LRMDA: variants seen among roughly 807,000 people sequenced by gnomAD.
LRMDA encodes leucine-rich melanocyte differentiation-associated protein.
Under a neutral mutation model 29.8 loss-of-function variants are expected in LRMDA, and 18 were observed. That is an observed-to-expected ratio of 0.60 (90% confidence interval 0.42 to 0.90). The LOEUF (loss-of-function observed/expected upper bound fraction) is 0.90. LRMDA is among the 40% of genes least tolerant of loss of function. LRMDA has a pLI of 0.00. For synonymous variants in LRMDA, 125 were observed against 109.4 expected (o/e 1.14, Z -0.89); for missense variants, 273 against 273.9 (o/e 1.00, Z 0.02).
chr10:75,984,417 C>T (rs184336740), intron 2 of LRMDA, among the ~76,000 whole-genome samples: 13 of 152,332 alleles, frequency 8.5e-5, no homozygotes, highest in African/African-American at 3.1e-4. Flanking sequence ...CTTCTCTGCC[C>T]TGTGTCCTCC....
chr10:76,086,468 A>T (rs1355376890), intron 5 of LRMDA, among the ~76,000 whole-genome samples: 1 of 152,226 alleles, frequency 6.6e-6, no homozygotes, highest in Non-Finnish European at 1.5e-5. Flanking sequence ...CATCAAACTC[A>T]TCATTCAGGT....
chr10:76,538,102 A>G (rs770344958), intron 6 of LRMDA, among the ~76,000 whole-genome samples: 6 of 152,198 alleles, frequency 3.9e-5, no homozygotes, highest in Non-Finnish European at 7.3e-5. Context: ...GATTTAATAT[A>G]CAATTAGGTT....
intron 2 of LRMDA, chr10:75,450,565 G>A (rs1433477536): frequency 1.3e-5 from 2 of 152,184 alleles, no homozygotes; most frequent in South Asian, 2.1e-4. Flanking sequence ...ACCCCCACAC[G>A]GCCCGTTTCC....
intron 5 of LRMDA, among the ~76,000 whole-genome samples, chr10:76,200,971 C>G (rs371903286): frequency 1.3e-5 from 2 of 151,560 alleles, no homozygotes; most frequent in East Asian, 1.9e-4. Flanking sequence ...CCTGCCTTGG[C>G]CTCCCAAAGT....
intron 5 of LRMDA, among the ~76,000 whole-genome samples, chr10:76,216,202 T>A (rs1379613976): frequency 6.6e-6 from 1 of 151,802 alleles, no homozygotes; most frequent in African/African-American, 2.4e-5. Context: ...AAAATAAAAA[T>A]AAAAATAGCT....
intron 6 of LRMDA, among the ~76,000 whole-genome samples, chr10:76,407,188 G>A (rs1363721055): frequency 6.6e-6 from 1 of 152,232 alleles, no homozygotes; most frequent in Non-Finnish European, 1.5e-5. Flanking sequence ...GTGGTGGAGA[G>A]TGGAGGAAGG....
At chr10:75,521,816 G>C (rs1845363591) in intron 2 of LRMDA, among the ~76,000 whole-genome samples, 1 of 152,208 alleles carries the variant, frequency 6.6e-6, no homozygotes, top group African/African-American at 2.4e-5. Flanking sequence ...CTGCAGACCA[G>C]AGCTGTTCCT....
chr10:75,525,641 C>G (rs952221558), intron 2 of LRMDA, among the ~76,000 whole-genome samples: 1 of 146,278 alleles, frequency 6.8e-6, no homozygotes, highest in African/African-American at 2.5e-5. Flanking sequence ...TCTTTACAAC[C>G]TCATTCCAGA....
chr10:76,389,133 C>G (rs759500723), intron 6 of LRMDA, among the ~76,000 whole-genome samples: 4 of 152,128 alleles, frequency 2.6e-5, no homozygotes, highest in Non-Finnish European at 5.9e-5. Flanking sequence ...ATAAAATGGA[C>G]AGTAGTTAGC....
At chr10:75,940,399 T>G (rs1453390923) in intron 2 of LRMDA, among the ~76,000 whole-genome samples, 1 of 152,110 alleles carries the variant, frequency 6.6e-6, no homozygotes, top group Non-Finnish European at 1.5e-5. Flanking sequence ...GCTCTCACAC[T>G]GTTCTGAGGA....
At chr10:75,769,362 T>C (rs932356654) in intron 2 of LRMDA, among the ~76,000 whole-genome samples, 2 of 152,224 alleles carry the variant, frequency 1.3e-5, no homozygotes, top group African/African-American at 4.8e-5. Context: ...AAAAAGACTA[T>C]GTGGCCGAGA....
intron 6 of LRMDA, among the ~76,000 whole-genome samples, chr10:76,410,188 G>T (rs1407678018): frequency 6.6e-6 from 1 of 151,444 alleles, no homozygotes; most frequent in East Asian, 1.9e-4. Context: ...GTAAGGAGGT[G>T]ATCGAGGAGC....
chr10:76,082,463 C>T (rs1272371267), intron 5 of LRMDA, among the ~76,000 whole-genome samples: 3 of 151,814 alleles, frequency 2.0e-5, no homozygotes, highest in Middle Eastern at 3.2e-3. Flanking sequence ...GTGGGAGGAG[C>T]GAGAACTAGG....
chr10:76,547,443 G>T (rs1843434446), intron 6 of LRMDA, among the ~76,000 whole-genome samples: 1 of 152,144 alleles, frequency 6.6e-6, no homozygotes, highest in Non-Finnish European at 1.5e-5. Flanking sequence ...CCTATAATTG[G>T]TGACCAAAAG....
At chr10:76,378,477 T>C (rs1343711130) in intron 6 of LRMDA, among the ~76,000 whole-genome samples, 1 of 152,226 alleles carries the variant, frequency 6.6e-6, no homozygotes, top group Non-Finnish European at 1.5e-5. Context: ...GGGGAATGCT[T>C]TCAATTTCTC....
chr10:75,599,175 T>TCTGCAGAGAG (rs1249006464), intron 2 of LRMDA, among the ~76,000 whole-genome samples: 1 of 152,122 alleles, frequency 6.6e-6, no homozygotes, highest in Non-Finnish European at 1.5e-5. Context: ...AGCTAAAAAG[T>TCTGCAGAGAG]CTGCAGAGAG....
chr10:76,458,166 G>A (rs1191499260), intron 6 of LRMDA, among the ~76,000 whole-genome samples: 1 of 63,914 alleles, frequency 1.6e-5, no homozygotes, highest in Non-Finnish European at 4.5e-5. Flanking sequence ...AAAAAAATTT[G>A]GCCTGTTTTG....
rs369281443 is a variant in LRMDA, at chr10:76,557,219, G to A, written c.612G>A (p.Gly204=). The A allele has an allele frequency of 1.2e-5, 20 of 1,613,922 alleles. No individual in the cohort carries two copies. The African/African-American group carries it at 2.5e-4, about 20-fold the overall frequency. The change falls in exon 7 of 7, where the codon GGG becomes GGA. Residue 204 remains glycine, a synonymous_variant. Coordinates refer to ENST00000611255, the MANE Select transcript of LRMDA (RefSeq NM_001305581.2). ...RELTSHQGVL[G]KCRYVYYGKN... ...TCTTTTTATTTGCAGGTGTCCTGGG[G>A]AAGTGTCGCTACGTTTACTATGGGA...
At chr10:75,983,175 C>A (rs912694676) in intron 2 of LRMDA, among the ~76,000 whole-genome samples, 7 of 152,120 alleles carry the variant, frequency 4.6e-5, no homozygotes, top group Non-Finnish European at 8.8e-5. Context: ...ATCCAGCCAT[C>A]GAAGCCTGCC....
Sources: gnomAD v4.1 joint callset for allele counts (sites outside exome capture counted in the v4.1 genomes callset) on GRCh38, gnomAD v4.1.1 for gene constraint, MANE v1.5 for transcripts, NCBI Gene and HGNC (gene_info 2026-07-23, HGNC 2026-07-21) for gene names.